MTMR12: variants seen among roughly 807,000 people sequenced by gnomAD.
The protein encoded by MTMR12 is myotubularin-related protein 12.
Under a neutral mutation model 96.7 loss-of-function variants are expected in MTMR12, and 33 were observed. The observed-to-expected ratio is 0.34, with a 90% CI of 0.26 to 0.46. MTMR12 has a LOEUF of 0.46. MTMR12 is among the 20% of genes least tolerant of loss of function. The probability of loss-of-function intolerance (pLI) is 1.00; values close to 1 mark genes in which losing one functional copy is unlikely to be tolerated. For synonymous variants in MTMR12, 298 were observed against 327.2 expected (o/e 0.91, Z 0.96); for missense variants, 721 against 896.1 (o/e 0.80, Z 2.49).
intron 6 of MTMR12, among the ~76,000 whole-genome samples, 170 bp from the exon 7 acceptor site, chr5:32,263,412 C>A (rs1327471962): frequency 6.6e-6 from 1 of 151,738 alleles, no homozygotes; most frequent in Non-Finnish European, 1.5e-5. Flanking sequence ...TGTCATTAAT[C>A]CAAAATTATG....
chr5:32,253,654 A>C (rs1331442903), intron 8 of MTMR12, among the ~76,000 whole-genome samples: 1 of 152,114 alleles, frequency 6.6e-6, no homozygotes, highest in African/African-American at 2.4e-5. Context: ...ACAGAGTCTT[A>C]CTCTGTTGCC....
At chr5:32,283,295 G>A (rs1487174562) in intron 1 of MTMR12, among the ~76,000 whole-genome samples, 3 of 152,112 alleles carry the variant, frequency 2.0e-5, no homozygotes, top group Admixed American at 6.6e-5. Flanking sequence ...ATCTGTGAAC[G>A]CCAAAGTCTA....
intron 1 of MTMR12, among the ~76,000 whole-genome samples, chr5:32,290,443 G>GGTGGTGTGCGGCCT (rs1750698247): frequency 6.6e-6 from 1 of 152,154 alleles, no homozygotes. Context: ...TTAGGGGTTC[G>GGTGGTGTGCGGCCT]GTGGTGTGCG....
At chr5:32,259,395 G>A (rs1749270460) in intron 7 of MTMR12, among the ~76,000 whole-genome samples, 2 of 152,184 alleles carry the variant, frequency 1.3e-5, no homozygotes, top group African/African-American at 2.4e-5. Context: ...TGTGGTACCA[G>A]AATAGCCAGC....
intron 1 of MTMR12, among the ~76,000 whole-genome samples, chr5:32,279,024 C>T (rs932747272): frequency 5.3e-5 from 7 of 131,636 alleles, no homozygotes; most frequent in Admixed American, 1.8e-4. Flanking sequence ...TGCAGTGAGC[C>T]GAGATTGTGC....
In MTMR12 at chr5:32,312,420, C is replaced by T. The variant is rs973895343; in HGVS notation, c.81+338G>A. Reference sequence around the variant, plus strand: ...AGGCCCCGTTGGGGGCTCCGACCCACGGCCCTACCCCTCCCAGCAGTGCCC... The same window carrying T: ...AGGCCCCGTTGGGGGCTCCGACCCATGGCCCTACCCCTCCCAGCAGTGCCC... On this transcript the variant is annotated intron_variant, in intron 1 of 15. Transcript: ENST00000382142. The surrounding 1 kb of genome is among the most constrained non-coding windows in gnomAD (Gnocchi z 5.0). Among the ~76,000 whole-genome samples, 3 of 152,186 alleles carry T rather than the reference C, an allele frequency of 2.0e-5. No individual in the cohort carries two copies. The highest frequency in any genetic ancestry group is 7.2e-5 in the African/African-American group (3 of 41,456).
rs1366583687 is a variant in MTMR12 at position 32,248,101 on chromosome 5, G to A, written c.922C>T (p.Pro308Ser). The change falls in exon 10 of 16, where the codon CCC (proline) becomes TCC (serine). Residue 308 changes from proline (P) to serine (S), a missense_variant. By Grantham distance (74) the Pro-to-Ser change is moderately conservative (BLOSUM62 -1). Coordinates refer to ENST00000382142, the MANE Select transcript of MTMR12 (RefSeq NM_001040446.3). ...DGIYKTIHRP[P>S]YEIVKTEDLS... ...TCTTCCGTTTTAACAATTTCATAGG[G>A]TGGCCTGTGGATGGTCTTGTAAATT... 2 of 1,613,806 alleles carry A rather than the reference G, an allele frequency of 1.2e-6. No individual in the cohort carries two copies. The highest frequency in any genetic ancestry group is 1.7e-6 in the Non-Finnish European group (2 of 1,179,858).
chr5:32,281,716 G>A lies in MTMR12; in HGVS notation c.82-4974C>T, dbSNP rs550943665. Among the ~76,000 whole-genome samples, 13 of 151,838 alleles carry A rather than the reference G, an allele frequency of 8.6e-5. No individual in the cohort carries two copies. In the South Asian group the frequency reaches 2.1e-3, roughly 24 times the overall value. On this transcript the variant is annotated intron_variant, in intron 1 of 15. Transcript: ENST00000382142. ...GGAGTTCGAGACCAGCCTGACCAACGTGCTGAAACCCCGTCTCTACTGAAA... is the reference window on the plus strand; with the variant it reads ...GGAGTTCGAGACCAGCCTGACCAACATGCTGAAACCCCGTCTCTACTGAAA...
At chr5:32,309,491 G>A (rs116144278) in intron 1 of MTMR12, among the ~76,000 whole-genome samples, 2,188 of 152,220 alleles carry the variant, frequency 0.014, 63 homozygotes, top group African/African-American at 0.049. Context: ...ACAAGAATAT[G>A]TAAGAAGCTC....
At chr5:32,279,122 T>C in intron 1 of MTMR12, among the ~76,000 whole-genome samples, 1 of 117,022 alleles carries the variant, frequency 8.5e-6, no homozygotes, top group Non-Finnish European at 1.8e-5. Context: ...AAAAGTAAGT[T>C]ATGGCTGGGC....
intron 6 of MTMR12, among the ~76,000 whole-genome samples, chr5:32,265,910 C>G (rs754509922): frequency 3.3e-5 from 5 of 152,206 alleles, no homozygotes; most frequent in Non-Finnish European, 7.3e-5. Flanking sequence ...CAGGATCACA[C>G]AGCTGGAAAA....
At chr5:32,251,537 T>C (rs574440982) in intron 8 of MTMR12, among the ~76,000 whole-genome samples, 3 of 152,158 alleles carry the variant, frequency 2.0e-5, no homozygotes, top group Non-Finnish European at 2.9e-5. Flanking sequence ...GAGGGAAATG[T>C]CCACAGTGTG....
rs1488625235 is a variant in MTMR12, at chr5:32,312,798, T to C, written c.41A>G (p.Lys14Arg). 1 of 1,533,378 alleles carries C rather than the reference T, an allele frequency of 6.5e-7. No homozygotes were observed. The highest frequency in any genetic ancestry group is 1.2e-5 in the South Asian group (1 of 84,518). The allele number at this position is 1,533,378 out of a possible 1,614,324, so 95.0% of individuals were successfully genotyped here. A position where few individuals can be genotyped will look rare whatever the true frequency, so the allele number is the denominator to read the frequency against. ...CGACACGAAGGAGGGCTTGGGGGCC[T>C]TGGTGCCGCCGCCACCGCCGACTAC... ...KGVVGGGGGT[K>R]APKPSFVSYV... The change falls in exon 1 of 16, where the codon AAG (lysine) becomes AGG (arginine). Residue 14 changes from lysine to arginine, a missense_variant. Coordinates refer to ENST00000382142, the MANE Select transcript of MTMR12 (RefSeq NM_001040446.3). The surrounding 1 kb of genome is among the most constrained non-coding windows in gnomAD (Gnocchi z 5.0).
At chr5:32,276,876 T>A (rs1168830393) in intron 1 of MTMR12, 134 bp from the exon 2 acceptor site, 14 of 11,112 alleles carry the variant, frequency 1.3e-3, no homozygotes, top group Middle Eastern at 0.062. Flanking sequence ...CAAGCTACTT[T>A]TTTTTTTTTT....
In MTMR12 at chr5:32,233,656, C is replaced by T; in HGVS notation, c.1674+117G>A. The T allele has an allele frequency of 2.1e-6, 3 of 1,414,074 alleles. No homozygotes were observed. In the South Asian group the frequency reaches 3.8e-5, roughly 18 times the overall value. 87.6% of individuals were successfully genotyped at this position (1,414,074 alleles called of 1,614,324 possible). Reference sequence around the variant, plus strand: ...AATTTGACCATCACAAGTCTCAACTCTGCAGACTGCTTCGAGGGGTAGAAA... The same window carrying T: ...AATTTGACCATCACAAGTCTCAACTTTGCAGACTGCTTCGAGGGGTAGAAA... On this transcript the variant is annotated intron_variant, in intron 15 of 15. Transcript: ENST00000382142. This position sits in a 1 kb window ranked among gnomAD's most constrained non-coding sequence, Gnocchi z 5.0.
intron 1 of MTMR12, among the ~76,000 whole-genome samples, chr5:32,285,059 A>G (rs1750473896): frequency 6.6e-6 from 1 of 152,250 alleles, no homozygotes; most frequent in East Asian, 1.9e-4. Context: ...CTTAAATTCA[A>G]TTAGAACAGA....
At chr5:32,309,440 T>A (rs751580026) in intron 1 of MTMR12, among the ~76,000 whole-genome samples, 1 of 152,146 alleles carries the variant, frequency 6.6e-6, no homozygotes, top group Non-Finnish European at 1.5e-5. Flanking sequence ...ACCCACTGAA[T>A]GAGAGAAAAT....
chr5:32,270,993 C>T, intron 4 of MTMR12, 46 bp from the exon 5 acceptor site: 1 of 1,564,678 alleles, frequency 6.4e-7, no homozygotes, highest in South Asian at 1.2e-5. Flanking sequence ...TGTTACACAG[C>T]AATAAGTGAA....
intron 7 of MTMR12, among the ~76,000 whole-genome samples, chr5:32,256,454 A>G (rs1206754590): frequency 2.0e-5 from 3 of 152,254 alleles, no homozygotes; most frequent in Non-Finnish European, 4.4e-5. Flanking sequence ...CCTGAACCCA[A>G]GCATTGGGAC....
Sources: gnomAD v4.1 joint callset for allele counts (sites outside exome capture counted in the v4.1 genomes callset) on GRCh38, gnomAD v4.1.1 for gene constraint, Gnocchi (gnomAD v3.1) non-coding constraint, MANE v1.5 for transcripts, NCBI Gene and HGNC (gene_info 2026-07-23, HGNC 2026-07-21) for gene names.